Variants in PDZD9 observed in about 807,000 individuals in gnomAD.
PDZD9 encodes the protein PDZ domain-containing protein 9.
Under a neutral mutation model 16.3 loss-of-function variants are expected in PDZD9, and 13 were observed. The ratio of observed to expected loss-of-function variants is 0.80; its 90% CI spans 0.52 to 1.27. The LOEUF is 1.27. PDZD9 is among the 50% of genes most tolerant of loss of function. The pLI is 0.00. For synonymous variants in PDZD9, 120 were observed against 111.0 expected (o/e 1.08, Z -0.51); for missense variants, 288 against 310.9 (o/e 0.93, Z 0.55).
chr16:21,969,233 C>T, the PDZD9 span, among the ~76,000 whole-genome samples: 32 of 152,128 alleles, frequency 2.1e-4, no homozygotes, highest in Admixed American at 1.6e-3. Context: ...TCTTTTTGAA[C>T]ATATCTGTTA....
At chr16:21,972,233 G>A in the PDZD9 span, 2 of 1,382,210 alleles carry the variant, frequency 1.4e-6, no homozygotes, top group Non-Finnish European at 2.0e-6. Flanking sequence ...GAAAATCTTT[G>A]TACAATTGAA....
chr16:21,964,029 G>T, the PDZD9 span, among the ~76,000 whole-genome samples: 1 of 152,094 alleles, frequency 6.6e-6, no homozygotes, highest in Non-Finnish European at 1.5e-5. Flanking sequence ...TGACTCTTGG[G>T]AGTCATACAA....
At chr16:21,994,723 A>G (rs1408696621) in intron 2 of PDZD9, among the ~76,000 whole-genome samples, 1 of 152,216 alleles carries the variant, frequency 6.6e-6, no homozygotes, top group Non-Finnish European at 1.5e-5. Context: ...ATCTTTACGC[A>G]CTGAGAGCCA....
rs139241281 is a variant in PDZD9, at chr16:21,984,579, T to G, written c.483A>C (p.Arg161Ser). ...DDNENVDLDK[R>S]LQYYRYPWST... ...ACCACGGATATCTATAATATTGAAG[T>G]CTTTTATCTAAATCTACATTTTCAT... The change falls in exon 4 of 4, where the codon AGA becomes AGC. Residue 161 changes from arginine (R) to serine (S), a missense_variant. Transcript: ENST00000424898. The G allele has an allele frequency of 8.3e-6, 13 of 1,562,582 alleles. No homozygotes were observed. The highest frequency in any genetic ancestry group is 1.0e-5 in the Non-Finnish European group (12 of 1,150,532).
chr16:21,994,109 T>G (rs1223963464), intron 2 of PDZD9, among the ~76,000 whole-genome samples: 1 of 152,130 alleles, frequency 6.6e-6, no homozygotes, highest in Middle Eastern at 3.2e-3. Flanking sequence ...AGCAGGAGGA[T>G]CACTTGAGCC....
At chr16:22,000,891 A>G (rs1857658560) in intron 1 of PDZD9, 126 bp downstream of exon 1, 2 of 836,496 alleles carry the variant, frequency 2.4e-6, no homozygotes, top group Non-Finnish European at 3.8e-6. Flanking sequence ...TGATGATGAT[A>G]ACAACAACGA....
the PDZD9 span, chr16:21,965,332 G>C: frequency 4.3e-6 from 6 of 1,403,992 alleles, no homozygotes; most frequent in South Asian, 7.1e-5. Context: ...GTATAGGCTT[G>C]TTGCTTTCTA....
downstream of PDZD9, among the ~76,000 whole-genome samples, chr16:21,981,508 C>T (rs541817443): frequency 3.9e-5 from 6 of 152,144 alleles, no homozygotes; most frequent in Non-Finnish European, 8.8e-5. Context: ...AATCCCAGCA[C>T]TTTGGAAGGC....
chr16:21,988,861 A>G, intron 2 of PDZD9, 70 bp from the exon 3 acceptor site: 4 of 1,197,578 alleles, frequency 3.3e-6, no homozygotes, highest in Non-Finnish European at 4.5e-6. Context: ...TTCTGGCTTT[A>G]TTGTGAGGTA....
At chr16:21,988,338 G>A (rs1298890514) in intron 3 of PDZD9, among the ~76,000 whole-genome samples, 1 of 152,040 alleles carries the variant, frequency 6.6e-6, no homozygotes, top group Non-Finnish European at 1.5e-5. Flanking sequence ...GCTGACTCGG[G>A]AAAGAGGGGC....
chr16:21,965,113 A>G, the PDZD9 span, among the ~76,000 whole-genome samples: 1 of 152,342 alleles, frequency 6.6e-6, no homozygotes, highest in Non-Finnish European at 1.5e-5. Context: ...CCCAAAACCC[A>G]GGCCAGTATA....
At chr16:21,963,959 G>C in the PDZD9 span, among the ~76,000 whole-genome samples, 2 of 151,976 alleles carry the variant, frequency 1.3e-5, no homozygotes, top group African/African-American at 2.4e-5. Context: ...TTTATATAAT[G>C]TCTAATTATA....
chr16:21,964,340 G>T, the PDZD9 span, among the ~76,000 whole-genome samples: 1 of 152,134 alleles, frequency 6.6e-6, no homozygotes, highest in East Asian at 1.9e-4. Flanking sequence ...CTCCTGGCTG[G>T]TGTCAGCCTC....
the PDZD9 span, among the ~76,000 whole-genome samples, chr16:21,966,414 G>A: frequency 6.6e-6 from 1 of 151,986 alleles, no homozygotes; most frequent in Non-Finnish European, 1.5e-5. Context: ...AAATCTACAA[G>A]TGTAGATATG....
the PDZD9 span, among the ~76,000 whole-genome samples, chr16:21,958,335 A>G: frequency 6.6e-6 from 1 of 152,216 alleles, no homozygotes; most frequent in Non-Finnish European, 1.5e-5. Context: ...GACAGTGGAA[A>G]TTTTACATGA....
the PDZD9 span, chr16:21,958,479 G>A: frequency 2.0e-6 from 3 of 1,523,668 alleles, no homozygotes; most frequent in Non-Finnish European, 2.7e-6. Flanking sequence ...ATAGTGTGAT[G>A]TTTGGCAAAC....
chr16:21,957,718 A>G, the PDZD9 span: 5 of 1,175,816 alleles, frequency 4.3e-6, no homozygotes, highest in South Asian at 6.2e-5. Context: ...AAATAAGTTT[A>G]TCCTGTTACA....
At chr16:21,999,801 C>T (rs11645673) in intron 1 of PDZD9, 98,885 of 152,164 alleles carry the variant, frequency 0.65, 33,645 homozygotes, top group Non-Finnish European at 0.76. Flanking sequence ...TTTGGGAGGC[C>T]GAGGGTGGGC....
intron 2 of PDZD9, among the ~76,000 whole-genome samples, chr16:21,993,742 C>G (rs1290514734): frequency 6.6e-6 from 1 of 152,072 alleles, no homozygotes; most frequent in Non-Finnish European, 1.5e-5. Context: ...CCACTGGGAC[C>G]CCCATACAGC....
Sources: allele counts gnomAD v4.1 joint callset (sites outside exome capture counted in the v4.1 genomes callset), GRCh38; gene constraint gnomAD v4.1.1; transcripts MANE v1.5; gene names NCBI Gene and HGNC (gene_info 2026-07-23, HGNC 2026-07-21).